C14orf39: variants seen among roughly 807,000 people sequenced by gnomAD.
C14orf39 encodes protein SIX6OS1.
Under a neutral mutation model 85.6 loss-of-function variants are expected in C14orf39, and 66 were observed. The ratio of observed to expected loss-of-function variants is 0.77; its 90% CI spans 0.63 to 0.95. C14orf39 has a LOEUF of 0.95. Among genes scored for constraint, C14orf39 ranks in the 40% least tolerant of loss-of-function variants. The probability of loss-of-function intolerance (pLI) is 0.00; values close to 1 mark genes in which losing one functional copy is unlikely to be tolerated. For synonymous variants in C14orf39, 242 were observed against 214.0 expected, an observed-to-expected ratio of 1.13 and a Z score of -1.14; for missense variants, 735 against 663.9, an observed-to-expected ratio of 1.11 and a Z score of -1.18.
In C14orf39 at chr14:60,466,917, C is replaced by A; in HGVS notation, c.895G>T (p.Asp299Tyr). The A allele has an allele frequency of 6.8e-7, 1 of 1,478,068 alleles. No individual in the cohort carries two copies. Among genetic ancestry groups the A allele is most frequent in the South Asian group, 1.5e-5 (1 of 67,570 alleles). 91.6% of individuals were successfully genotyped at this position (1,478,068 alleles called of 1,614,324 possible). A position where few individuals can be genotyped will look rare whatever the true frequency, so the allele number is the denominator to read the frequency against. Residue 299 changes from aspartate (D) to tyrosine (Y), a missense_variant and splice_region_variant, in exon 10 of 18, where the codon GAT (aspartate) becomes TAT (tyrosine). By Grantham distance (160) the Asp-to-Tyr change is radical. Transcript: ENST00000321731. Reference sequence around the variant, plus strand: ...TTTGAATAACAAACAGATATTATACCTGCAACTCTTGGTTCTGAAGAATGC... The same window carrying A: ...TTTGAATAACAAACAGATATTATACATGCAACTCTTGGTTCTGAAGAATGC... The part of the protein sequence containing the change: ...KMHSSEPRVA[D>Y]IKEESSAKQS...
chr14:60,452,089 A>C (rs1223601387), intron 16 of C14orf39, among the ~76,000 whole-genome samples: 1 of 149,982 alleles, frequency 6.7e-6, no homozygotes, highest in Non-Finnish European at 1.5e-5. Context: ...CGGGAGGATG[A>C]GGCAGGGGAA....
In C14orf39 at chr14:60,491,418, G is replaced by T. The variant is rs1199709538; in HGVS notation, c.-8-6332C>A. Among the ~76,000 whole-genome samples, 1 of 152,184 alleles carries T rather than the reference G, an allele frequency of 6.6e-6. No homozygotes were observed. Among genetic ancestry groups the T allele is most frequent in the African/African-American group, 2.4e-5 (1 of 41,456 alleles). On this transcript the variant is annotated intron_variant, in intron 2 of 5. Coordinates refer to the C14orf39 transcript ENST00000556799. The surrounding 1 kb of genome is among the most constrained non-coding windows in gnomAD (Gnocchi z 4.5). Reference sequence around the variant, plus strand: ...TTAATACTATTACATTAGGGATTAAGTTTCAACATGAATTGTGGAGGGACA... The same window carrying T: ...TTAATACTATTACATTAGGGATTAATTTTCAACATGAATTGTGGAGGGACA...
chr14:60,461,282 T>C, intron 13 of C14orf39, 72 bp downstream of exon 13: 1 of 1,309,608 alleles, frequency 7.6e-7, no homozygotes, highest in Non-Finnish European at 1.1e-6. Context: ...AAACAATTTA[T>C]TTGACTAATG....
At chr14:60,437,075 T>G in intron 17 of C14orf39, 28 bp from the exon 18 acceptor site, 1 of 1,458,050 alleles carries the variant, frequency 6.9e-7, no homozygotes, top group East Asian at 2.3e-5. Flanking sequence ...TACAATATCA[T>G]GCTCTTCATA....
intron 1 of C14orf39, chr14:60,508,901 G>C (rs1348080619): frequency 1.7e-5 from 3 of 175,536 alleles, no homozygotes. Context: ...AGCGGGGTGG[G>C]GGAGGGAGGA....
At chr14:60,454,798 T>G (rs997983426) in intron 16 of C14orf39, among the ~76,000 whole-genome samples, 3 of 152,016 alleles carry the variant, frequency 2.0e-5, no homozygotes, top group Non-Finnish European at 4.4e-5. Flanking sequence ...GATCCGTTTT[T>G]AATGAACAGA....
intron 2 of C14orf39, among the ~76,000 whole-genome samples, chr14:60,497,418 C>T (rs1010235674): frequency 5.3e-5 from 8 of 152,094 alleles, no homozygotes; most frequent in Admixed American, 6.6e-5. Context: ...CCTTGGCATT[C>T]GAAACAAATA....
chr14:60,441,064 G>A (rs1595437862), intron 17 of C14orf39, among the ~76,000 whole-genome samples: 1 of 152,062 alleles, frequency 6.6e-6, no homozygotes, highest in Admixed American at 6.6e-5. Context: ...TCAAGCCTGG[G>A]AAGATTCGGG....
At chr14:60,509,904 C>T (rs746746157) in intron 1 of C14orf39, 2 of 1,612,430 alleles carry the variant, frequency 1.2e-6, no homozygotes, top group East Asian at 2.2e-5. Flanking sequence ...GGACTGACCC[C>T]TACGCAGGTG....
intron 5 of C14orf39, among the ~76,000 whole-genome samples, chr14:60,472,568 C>T (rs947976830): frequency 4.6e-5 from 7 of 152,144 alleles, no homozygotes; most frequent in African/African-American, 1.7e-4. Flanking sequence ...CTCCCCACAA[C>T]AGGCCCCGGG....
chr14:60,514,244 A>C (rs1470176863), intron 1 of C14orf39, among the ~76,000 whole-genome samples: 1 of 152,108 alleles, frequency 6.6e-6, no homozygotes, highest in Non-Finnish European at 1.5e-5. Context: ...GGGGAAAAAA[A>C]GTCCAGGTAA....
chr14:60,506,843 AT>A (rs1893210230), intron 1 of C14orf39, among the ~76,000 whole-genome samples: 1 of 152,278 alleles, frequency 6.6e-6, no homozygotes, highest in Non-Finnish European at 1.5e-5. Flanking sequence ...TCATCTAATT[AT>A]TTGCAGAACT....
chr14:60,456,875 AC>A, intron 15 of C14orf39, 41 bp downstream of exon 15: 1 of 1,459,750 alleles, frequency 6.9e-7, no homozygotes, highest in Non-Finnish European at 9.2e-7. Context: ...ATGTAATTCA[AC>A]ATACAAATAA....
intron 1 of C14orf39, among the ~76,000 whole-genome samples, chr14:60,513,851 C>T (rs1893327577): frequency 6.6e-6 from 1 of 152,192 alleles, no homozygotes; most frequent in South Asian, 2.1e-4. Context: ...GAAGACCAAA[C>T]AGTGATGGAG....
chr14:60,448,445 G>C (rs1890881324), intron 16 of C14orf39, among the ~76,000 whole-genome samples: 1 of 152,134 alleles, frequency 6.6e-6, no homozygotes, highest in Admixed American at 6.5e-5. Context: ...CATCATCACT[G>C]GTCATTAGAG....
At chr14:60,507,734 T>G (rs1893224675) in intron 1 of C14orf39, among the ~76,000 whole-genome samples, 2 of 152,164 alleles carry the variant, frequency 1.3e-5, no homozygotes, top group African/African-American at 4.8e-5. Context: ...TTACCAGATC[T>G]GTACAAGCCG....
chr14:60,462,094 C>T (rs1452997576), intron 11 of C14orf39, among the ~76,000 whole-genome samples: 2 of 152,082 alleles, frequency 1.3e-5, no homozygotes, highest in Non-Finnish European at 2.9e-5. Context: ...TAACATCTAG[C>T]TGGGAGTGGT....
chr14:60,492,714 C>T (rs1007643633), intron 2 of C14orf39, among the ~76,000 whole-genome samples: 8 of 151,992 alleles, frequency 5.3e-5, no homozygotes, highest in South Asian at 2.1e-4. Flanking sequence ...ACCTGGGAGG[C>T]GGAAGTTGCA....
At chr14:60,457,281 A>G (rs944090209) in intron 14 of C14orf39, among the ~76,000 whole-genome samples, 186 bp from the exon 15 acceptor site, 3 of 151,978 alleles carry the variant, frequency 2.0e-5, no homozygotes, top group African/African-American at 7.2e-5. Context: ...AGAAAAATAA[A>G]TATTTATCCA....
Sources: allele counts gnomAD v4.1 joint callset (sites outside exome capture counted in the v4.1 genomes callset), GRCh38; gene constraint gnomAD v4.1.1; non-coding constraint Gnocchi (gnomAD v3.1); transcripts MANE v1.5; gene names NCBI Gene and HGNC (gene_info 2026-07-23, HGNC 2026-07-21).